Variants in SOS2 observed in about 807,000 individuals in gnomAD.
The protein encoded by SOS2 is son of sevenless homolog 2.
A neutral mutation model predicts 148.2 loss-of-function variants in SOS2; 65 were observed. The observed-to-expected ratio is 0.44, with a 90% confidence interval of 0.36 to 0.54. The LOEUF is 0.54. Among genes scored for constraint, SOS2 ranks in the 20% least tolerant of loss-of-function variants. The pLI, the probability that SOS2 is intolerant of heterozygous loss-of-function variation, is 0.00. For missense variants in SOS2, 1,341 were observed against 1,590.2 expected, an observed-to-expected ratio of 0.84 and a Z score of 2.67; for synonymous variants, 539 against 537.1, an observed-to-expected ratio of 1.00 and a Z score of -0.05.
At chr14:50,119,583 G>A (rs148061501) in intron 22 of SOS2, among the ~76,000 whole-genome samples, 3,740 of 151,848 alleles carry the variant, frequency 0.025, 164 homozygotes, top group African/African-American at 0.084. Context: ...CCAGGCTGGA[G>A]TGCAATGGTG....
chr14:50,203,921 A>G (rs1310286679), intron 2 of SOS2, among the ~76,000 whole-genome samples: 1 of 152,034 alleles, frequency 6.6e-6, no homozygotes, highest in Non-Finnish European at 1.5e-5. Flanking sequence ...TCTCTAAAAA[A>G]TATGTGCCTA....
chr14:50,205,661 G>A (rs1486720720), intron 1 of SOS2, among the ~76,000 whole-genome samples: 1 of 152,156 alleles, frequency 6.6e-6, no homozygotes, highest in Non-Finnish European at 1.5e-5. Context: ...CATAGGCACG[G>A]TGGCTAACAC....
chr14:50,133,242 C>CTTTTCTT (rs1883954910), intron 19 of SOS2, among the ~76,000 whole-genome samples: 1 of 78,816 alleles, frequency 1.3e-5, no homozygotes, highest in Non-Finnish European at 2.4e-5. Flanking sequence ...TTTCTTTTTT[C>CTTTTCTT]TTTTTTCTTT....
Position 50,145,334 on chromosome 14 carries a change from TAAC to T in SOS2, c.2505-5_2505-3del. On this transcript the variant is annotated splice_polypyrimidine_tract_variant and splice_region_variant and intron_variant, in intron 15 of 22. Transcript: ENST00000216373. ...AAATTTTCTGCTTCCACAATGCATC[TAAC>T]AACAACAAAAATTCATGGCTTAGAA... is the stretch of plus-strand genomic sequence containing the variant. The T allele has an allele frequency of 6.3e-7, 1 of 1,594,672 alleles. No homozygotes were observed. The highest frequency in any genetic ancestry group is 8.5e-7 in the Non-Finnish European group (1 of 1,173,794).
chr14:50,156,818 C>T (rs903984493), intron 12 of SOS2, 181 bp downstream of exon 12: 7 of 329,034 alleles, frequency 2.1e-5, no homozygotes, highest in African/African-American at 1.5e-4. Flanking sequence ...AGAATAGCTT[C>T]ACTGAGAAAG....
Position 50,145,615 on chromosome 14 carries a change from G to T in SOS2, c.2385-19C>A. 5 of 1,520,210 alleles carry T rather than the reference G, an allele frequency of 3.3e-6. No homozygotes were observed. The highest frequency in any genetic ancestry group is 1.2e-5 in the South Asian group (1 of 82,950). 94.2% of individuals were successfully genotyped at this position (1,520,210 alleles called of 1,614,324 possible). A position where few individuals can be genotyped will look rare whatever the true frequency, so the allele number is the denominator to read the frequency against. On this transcript the variant is annotated intron_variant, in intron 14 of 22. Coordinates refer to ENST00000216373, the MANE Select transcript of SOS2 (RefSeq NM_006939.4). ...AACTTTCCTATGGAATTGAAAATCA[G>T]TGCAACTTAACCTATAAAGGATTTG...
chr14:50,215,775 A>C (rs1301023177), intron 1 of SOS2, among the ~76,000 whole-genome samples: 1 of 152,246 alleles, frequency 6.6e-6, no homozygotes, highest in Non-Finnish European at 1.5e-5. Flanking sequence ...CCATGTGTAG[A>C]CACACACAAA....
chr14:50,197,873 T>G (rs564283563), intron 4 of SOS2, among the ~76,000 whole-genome samples: 1 of 152,100 alleles, frequency 6.6e-6, no homozygotes, highest in East Asian at 1.9e-4. Context: ...GTATTTTTAG[T>G]AGAGACGGGG....
chr14:50,209,681 C>T lies in SOS2; in HGVS notation c.88-5272G>A, dbSNP rs1368812219. On this transcript the variant is annotated intron_variant, in intron 1 of 22. Transcript: ENST00000216373. Reference sequence around the variant, plus strand: ...GGCTGATGTGGGAGGATCACCTGAACCCGGAGGTCGAGGCTGCAGTGAGCC... The same window carrying T: ...GGCTGATGTGGGAGGATCACCTGAATCCGGAGGTCGAGGCTGCAGTGAGCC... 9.2e-5 allele frequency among the ~76,000 whole-genome samples: 14 copies of T among 151,892 alleles called. 2 individuals are homozygous for T. Among genetic ancestry groups the T allele is most frequent in the Admixed American group, 9.2e-4 (14 of 15,242 alleles).
At chr14:50,220,917 A>G (rs1887184846) in intron 1 of SOS2, among the ~76,000 whole-genome samples, 2 of 152,222 alleles carry the variant, frequency 1.3e-5, no homozygotes. Context: ...AAGACAGTAC[A>G]GGCTAGAAAA....
intron 4 of SOS2, among the ~76,000 whole-genome samples, chr14:50,198,265 G>A (rs571012447): frequency 1.3e-4 from 20 of 151,754 alleles, no homozygotes; most frequent in Admixed American, 1.1e-3. Flanking sequence ...TACTATATTG[G>A]CAACTTACTC....
intron 18 of SOS2, among the ~76,000 whole-genome samples, chr14:50,138,100 CA>C (rs905747472): frequency 2.0e-5 from 3 of 152,086 alleles, no homozygotes; most frequent in African/African-American, 7.2e-5. Flanking sequence ...CTCAGCCTCC[CA>C]AAGTGCTGTG....
At chr14:50,123,548 A>C (rs1014700284) in intron 21 of SOS2, among the ~76,000 whole-genome samples, 4 of 151,914 alleles carry the variant, frequency 2.6e-5, no homozygotes, top group Admixed American at 2.6e-4. Context: ...AGGCCCAGCT[A>C]ATTTTTGTAT....
intron 22 of SOS2, among the ~76,000 whole-genome samples, chr14:50,119,793 C>T (rs892200709): frequency 6.7e-6 from 1 of 149,230 alleles, no homozygotes; most frequent in Non-Finnish European, 1.5e-5. Context: ...GCCTCAGCCT[C>T]CCAACCAGCC....
chr14:50,197,645 T>C (rs1386921457), intron 4 of SOS2, among the ~76,000 whole-genome samples: 1 of 151,192 alleles, frequency 6.6e-6, no homozygotes, highest in African/African-American at 2.4e-5. Flanking sequence ...GTGGTCCCTG[T>C]GCCTATTGCC....
intron 16 of SOS2, among the ~76,000 whole-genome samples, chr14:50,144,366 TTCC>T (rs1193300425): frequency 6.6e-6 from 1 of 152,070 alleles, no homozygotes; most frequent in Non-Finnish European, 1.5e-5. Context: ...GCAAAATATC[TTCC>T]TATTTTCTAT....
intron 9 of SOS2, among the ~76,000 whole-genome samples, chr14:50,160,379 C>CTTTTTTTTTTTTTTTTTTTTTTTTTTT (rs200021758): frequency 1.3e-5 from 1 of 78,852 alleles, no homozygotes; most frequent in Non-Finnish European, 2.4e-5. Flanking sequence ...CAATGCTAAT[C>CTTTTTTTTTTTTTTTTTTTTTTTTTTT]TTTTTTTTTT....
At chr14:50,120,090 C>G (rs1401056149) in intron 22 of SOS2, among the ~76,000 whole-genome samples, 185 bp downstream of exon 22, 1 of 152,062 alleles carries the variant, frequency 6.6e-6, no homozygotes, top group South Asian at 2.1e-4. Context: ...CCCGGCCCAG[C>G]CTCTTATTTA....
rs532306704 is a variant in SOS2, at chr14:50,118,288, TAA to T, written c.*54_*55del. 3 of 1,294,258 alleles carry T rather than the reference TAA, an allele frequency of 2.3e-6. No homozygotes were observed. Among genetic ancestry groups the T allele is most frequent in the African/African-American group, 1.5e-5 (1 of 66,096 alleles). The allele number at this position is 1,294,258 out of a possible 1,614,324, so 80.2% of individuals were successfully genotyped here. A position where few individuals can be genotyped will look rare whatever the true frequency, so the allele number is the denominator to read the frequency against. On this transcript the variant is annotated 3_prime_UTR_variant, in exon 23 of 23. Coordinates refer to ENST00000216373, the MANE Select transcript of SOS2 (RefSeq NM_006939.4). ...ATACTATGTCTTTTTTTGAATAAAT[TAA>T]AAAAAAAACTTTACAAATACCATTC...
Sources: gnomAD v4.1 joint callset for allele counts (sites outside exome capture counted in the v4.1 genomes callset) on GRCh38, gnomAD v4.1.1 for gene constraint, MANE v1.5 for transcripts, NCBI Gene and HGNC (gene_info 2026-07-23, HGNC 2026-07-21) for gene names.